BAZ1A: variants seen among roughly 807,000 people sequenced by gnomAD.
BAZ1A encodes bromodomain adjacent to zinc finger domain protein 1A.
Under a neutral mutation model 185.2 loss-of-function variants are expected in BAZ1A, and 50 were observed. That is an observed-to-expected ratio of 0.27 (90% CI 0.22 to 0.34). The LOEUF is 0.34. Among genes scored for constraint, BAZ1A ranks in the 10% least tolerant of loss-of-function variants. The pLI is 1.00. For missense variants in BAZ1A, 1,356 were observed against 1,839.9 expected (o/e 0.74, Z 4.81); for synonymous variants, 571 against 615.6 (o/e 0.93, Z 1.07).
intron 12 of BAZ1A, among the ~76,000 whole-genome samples, chr14:34,787,243 C>G (rs1190007966): frequency 6.7e-6 from 1 of 149,428 alleles, no homozygotes; most frequent in Non-Finnish European, 1.5e-5. Flanking sequence ...GTCCCAGCTA[C>G]TCGGGAGGCT....
intron 10 of BAZ1A, among the ~76,000 whole-genome samples, chr14:34,795,407 G>A (rs1453247699): frequency 1.3e-5 from 2 of 152,156 alleles, no homozygotes; most frequent in Non-Finnish European, 2.9e-5. Flanking sequence ...ATGCATGCCT[G>A]GCTACAGTGG....
At chr14:34,774,613 AAATGAATGAATG>A in intron 18 of BAZ1A, 123 bp from the exon 19 acceptor site, 2 of 751,836 alleles carry the variant, frequency 2.7e-6, no homozygotes. Flanking sequence ...CAAGTGCCAC[AAATGAATGAATG>A]AATGAATGAA....
rs780837929 is a variant in BAZ1A, at chr14:34,776,350, T to C, written c.2402A>G (p.Asn801Ser). 33 of 1,614,010 alleles carry C rather than the reference T, an allele frequency of 2.0e-5. No individual in the cohort carries two copies. The highest frequency in any genetic ancestry group is 1.9e-4 in the African/African-American group (14 of 74,910). Residue 801 changes from asparagine (N) to serine (S), a missense_variant, in exon 18 of 27, where the codon AAT (asparagine) becomes AGT (serine). This residue lies in a region of BAZ1A where 434 missense variants were observed against 561.7 expected (regional missense o/e 0.77). Transcript: ENST00000360310. ...GCGGTCGCGACCCAAGGGAAAGATATTGGTACAGGCTATGGCACTTTGGAT... is the reference window on the plus strand; with the variant it reads ...GCGGTCGCGACCCAAGGGAAAGATACTGGTACAGGCTATGGCACTTTGGAT... ...EKIQSAIACTNIFPLGRDRMY... is the reference protein window; with the variant it reads ...EKIQSAIACTSIFPLGRDRMY...
intron 17 of BAZ1A, among the ~76,000 whole-genome samples, 168 bp from the exon 18 acceptor site, chr14:34,776,683 T>C (rs1879638071): frequency 6.6e-6 from 1 of 152,196 alleles, no homozygotes; most frequent in African/African-American, 2.4e-5. Context: ...GTGACTGTAT[T>C]TGGAGACAGA....
chr14:34,759,999 A>T (rs74628917), intron 24 of BAZ1A, among the ~76,000 whole-genome samples: 1,798 of 152,194 alleles, frequency 0.012, 40 homozygotes, highest in African/African-American at 0.04. Flanking sequence ...TAATATCTAG[A>T]TAATGTTCGA....
chr14:34,789,568 A>G (rs2138626534), intron 12 of BAZ1A, among the ~76,000 whole-genome samples: 1 of 152,356 alleles, frequency 6.6e-6, no homozygotes, highest in South Asian at 2.1e-4. Flanking sequence ...TACAATTCCA[A>G]CACTAGACAA....
intron 12 of BAZ1A, among the ~76,000 whole-genome samples, chr14:34,792,425 C>T (rs1880909464): frequency 6.6e-6 from 1 of 151,350 alleles, no homozygotes; most frequent in Admixed American, 6.6e-5. Context: ...CCAAAAAATA[C>T]CCCAAAAAAA....
intron 21 of BAZ1A, among the ~76,000 whole-genome samples, chr14:34,768,448 C>T (rs759889427): frequency 1.1e-4 from 16 of 152,074 alleles, no homozygotes; most frequent in African/African-American, 1.7e-4. Context: ...AAAGATTCAC[C>T]GGTGTCAACT....
At chr14:34,822,300 AC>A (rs1179028192) in intron 4 of BAZ1A, among the ~76,000 whole-genome samples, 1 of 152,056 alleles carries the variant, frequency 6.6e-6, no homozygotes, top group Non-Finnish European at 1.5e-5. Context: ...TCTCAAAAAA[AC>A]AAAACAAAAC....
intron 3 of BAZ1A, among the ~76,000 whole-genome samples, chr14:34,861,534 T>G (rs1225661067): frequency 1.3e-5 from 2 of 152,050 alleles, no homozygotes; most frequent in African/African-American, 2.4e-5. Context: ...TTTTGTTAAA[T>G]AAAACACTAA....
At chr14:34,773,022 G>A (rs181393591) in intron 20 of BAZ1A, among the ~76,000 whole-genome samples, 5 of 151,962 alleles carry the variant, frequency 3.3e-5, no homozygotes, top group Non-Finnish European at 7.4e-5. Context: ...GCAAGACTCC[G>A]TCTCAAAAAA....
At chr14:34,792,429 A>C (rs80299996) in intron 12 of BAZ1A, among the ~76,000 whole-genome samples, 3,037 of 152,136 alleles carry the variant, frequency 0.02, 38 homozygotes, top group South Asian at 0.039. Flanking sequence ...AAAATACCCC[A>C]AAAAAACAAA....
chr14:34,806,303 T>A (rs1483638510), intron 6 of BAZ1A, among the ~76,000 whole-genome samples: 1 of 152,232 alleles, frequency 6.6e-6, no homozygotes, highest in Non-Finnish European at 1.5e-5. Context: ...ACTGCCTTTT[T>A]AAACTTTTAT....
chr14:34,862,317 A>C lies in BAZ1A; in HGVS notation c.119T>G (p.Phe40Cys), dbSNP rs1227601937. ...TNEIFRHYDD[F>C]FERTILCNSL... ...GTTGCACAGAATGGTTCGTTCAAAAAAGTCACTGATTAAAAAACAAAAACA... is the reference window on the plus strand; with the variant it reads ...GTTGCACAGAATGGTTCGTTCAAAACAGTCACTGATTAAAAAACAAAAACA... The change falls in exon 3 of 27, where the codon TTT (phenylalanine) becomes TGT (cysteine). Residue 40 changes from phenylalanine (F) to cysteine (C), a missense_variant. Transcript: ENST00000360310. 1.3e-6 allele frequency: 2 copies of C among 1,590,318 alleles called. No individual in the cohort carries two copies. The highest frequency in any genetic ancestry group is 1.7e-6 in the Non-Finnish European group (2 of 1,169,906).
chr14:34,758,545 A>C (rs1886371058), intron 25 of BAZ1A, 159 bp downstream of exon 25: 2 of 674,524 alleles, frequency 3.0e-6, no homozygotes, highest in Admixed American at 3.2e-5. Flanking sequence ...GCGCCACTGC[A>C]CTCCAGCCTG....
At chr14:34,802,296 C>G (rs1316908622) in intron 7 of BAZ1A, among the ~76,000 whole-genome samples, 4 of 152,114 alleles carry the variant, frequency 2.6e-5, no homozygotes, top group African/African-American at 7.2e-5. Flanking sequence ...GTGGCATGAT[C>G]TGGGCTCACA....
At chr14:34,763,861 C>CA (rs1878613514) in intron 23 of BAZ1A, among the ~76,000 whole-genome samples, 1 of 151,826 alleles carries the variant, frequency 6.6e-6, no homozygotes. Flanking sequence ...CCTGGGAAAC[C>CA]AAAAAAATTT....
At chr14:34,775,885 A>G in intron 18 of BAZ1A, 34 bp downstream of exon 18, 3 of 1,528,168 alleles carry the variant, frequency 2.0e-6, no homozygotes, top group Non-Finnish European at 2.6e-6. Flanking sequence ...GGGGGAGGGA[A>G]AAAAAGTAAA....
intron 25 of BAZ1A, among the ~76,000 whole-genome samples, chr14:34,756,187 C>T (rs556474359): frequency 1.3e-5 from 2 of 149,918 alleles, no homozygotes; most frequent in Non-Finnish European, 3.0e-5. Flanking sequence ...GATCTCGGCT[C>T]ACTGCAAGCT....
Sources: gnomAD v4.1 joint callset for allele counts (sites outside exome capture counted in the v4.1 genomes callset) on GRCh38, gnomAD v4.1.1 for gene constraint, gnomAD v4.1.1 regional missense constraint, MANE v1.5 for transcripts, NCBI Gene and HGNC (gene_info 2026-07-23, HGNC 2026-07-21) for gene names.